Variants in SREBF1 observed in about 807,000 individuals in gnomAD.
SREBF1 encodes the protein sterol regulatory element binding transcription factor 1.
Under a neutral mutation model 100.1 loss-of-function variants are expected in SREBF1, and 45 were observed. That is an observed-to-expected ratio of 0.45 (90% confidence interval 0.35 to 0.58). The LOEUF (loss-of-function observed/expected upper bound fraction) is 0.58. Among genes scored for constraint, SREBF1 ranks in the 20% least tolerant of loss-of-function variants. The pLI, the probability that SREBF1 is intolerant of heterozygous loss-of-function variation, is 0.00. For synonymous variants in SREBF1, 657 were observed against 681.8 expected, an observed-to-expected ratio of 0.96 and a Z score of 0.57; for missense variants, 1,324 against 1,539.4, an observed-to-expected ratio of 0.86 and a Z score of 2.34.
intron 1 of SREBF1, among the ~76,000 whole-genome samples, chr17:17,822,800 C>G (rs1272055803): frequency 6.6e-6 from 1 of 152,244 alleles, no homozygotes; most frequent in African/African-American, 2.4e-5. Context: ...GCTTGGCAGG[C>G]AGCTGGCACC....
intron 1 of SREBF1, among the ~76,000 whole-genome samples, chr17:17,833,707 G>T (rs1041656318): frequency 6.6e-6 from 1 of 152,020 alleles, no homozygotes; most frequent in Non-Finnish European, 1.5e-5. Context: ...TGAAGGCCGG[G>T]CATGGTGGTT....
At chr17:17,829,023 C>A (rs2034664473) in intron 1 of SREBF1, among the ~76,000 whole-genome samples, 1 of 151,374 alleles carries the variant, frequency 6.6e-6, no homozygotes, top group African/African-American at 2.4e-5. Flanking sequence ...TGAAATCCAG[C>A]CTCTACTAAA....
intron 12 of SREBF1, 32 bp from the exon 13 acceptor site, chr17:17,815,361 A>C: frequency 6.4e-7 from 1 of 1,556,510 alleles, no homozygotes; most frequent in Non-Finnish European, 8.9e-7. Flanking sequence ...TGGGGTGGGG[A>C]GCAGGGCCCC....
At position 17,819,875 on chromosome 17, in the gene SREBF1, T is replaced by C. The variant is rs953466660; in HGVS notation, c.524-150A>G. ...GTCCCTGCCTGGGCTCTGATGCAAA[T>C]GCACTGGCTTCAAGCCAGGCCTCCA... On this transcript the variant is annotated intron_variant, in intron 2 of 18. Coordinates refer to ENST00000261646, the MANE Select transcript of SREBF1 (RefSeq NM_004176.5). The C allele has an allele frequency of 1.3e-5, 16 of 1,249,712 alleles. No homozygotes were observed. In the South Asian group the frequency reaches 1.4e-4, roughly 11 times the overall value. 77.4% of individuals were successfully genotyped at this position (1,249,712 alleles called of 1,614,324 possible).
chr17:17,812,616 C>G lies in SREBF1; in HGVS notation c.*6G>C. 1.3e-6 allele frequency: 2 copies of G among 1,596,158 alleles called. No individual in the cohort carries two copies. The highest frequency in any genetic ancestry group is 1.7e-6 in the Non-Finnish European group (2 of 1,170,734). On this transcript the variant is annotated 3_prime_UTR_variant, in exon 19 of 19. Transcript: ENST00000261646. Reference sequence around the variant, plus strand: ...GACAGGGGTGCTGAGGCCGGGGACACGGGGTCTAGCTGGAAGTGACAGTGG... The same window carrying G: ...GACAGGGGTGCTGAGGCCGGGGACAGGGGGTCTAGCTGGAAGTGACAGTGG...
rs2032960129 is a variant in SREBF1 at position 17,812,324 on chromosome 17, GGA to G, written c.*296_*297del. The G allele has an allele frequency of 1.9e-6, 1 of 538,306 alleles. No individual in the cohort carries two copies. The highest frequency in any genetic ancestry group is 3.4e-5 in the Admixed American group (1 of 29,436). 33.3% of individuals were successfully genotyped at this position (538,306 alleles called of 1,614,324 possible). On this transcript the variant is annotated 3_prime_UTR_variant, in exon 19 of 19. Transcript: ENST00000261646. Reference sequence around the variant, plus strand: ...TGTACCCCTCTCTTCCCTGTACACAGGAGGAAAAAAGCCACTAAGGTGCCTGC... The same window carrying G: ...TGTACCCCTCTCTTCCCTGTACACAGGGAAAAAAGCCACTAAGGTGCCTGC...
At chr17:17,814,522 C>A in intron 15 of SREBF1, 93 bp downstream of exon 15, 1 of 1,535,774 alleles carries the variant, frequency 6.5e-7, no homozygotes, top group Non-Finnish European at 8.7e-7. Context: ...GTGACTCCTC[C>A]TGCACAGAAC....
intron 2 of SREBF1, 141 bp from the exon 3 acceptor site, chr17:17,819,866 T>A: frequency 7.8e-7 from 1 of 1,275,604 alleles, no homozygotes; most frequent in Non-Finnish European, 1.1e-6. Context: ...GCCTGGGCTC[T>A]GATGCAAATG....
chr17:17,818,704 G>A, intron 5 of SREBF1: 3 of 557,550 alleles, frequency 5.4e-6, no homozygotes, highest in East Asian at 3.1e-5. Context: ...AAACGTGGTG[G>A]TCTCGAGCAC....
Position 17,821,174 on chromosome 17 carries a change from CAT to C in SREBF1, c.92-655_92-654del, listed in dbSNP as rs1555571692. 9.0e-4 allele frequency among the ~76,000 whole-genome samples: 136 copies of C among 151,630 alleles called. 4 individuals carry two copies. The South Asian group carries it at 0.023, about 25-fold the overall frequency. On this transcript the variant is annotated intron_variant, in intron 1 of 18. Coordinates refer to ENST00000261646, the MANE Select transcript of SREBF1 (RefSeq NM_004176.5). ...ACATACACACACACACACACACACA[CAT>C]ACACACTGCACCGTGGACTCAGACC... is the stretch of plus-strand genomic sequence containing the variant.
At chr17:17,829,704 G>A (rs1332006636) in intron 1 of SREBF1, among the ~76,000 whole-genome samples, 6 of 151,816 alleles carry the variant, frequency 4.0e-5, no homozygotes, top group Non-Finnish European at 8.8e-5. Flanking sequence ...GAGTGTAGTG[G>A]TATGATCATG....
chr17:17,819,683 G>A lies in SREBF1; in HGVS notation c.566C>T (p.Pro189Leu), dbSNP rs1337539698. Residue 189 changes from proline (P) to leucine (L), a missense_variant, in exon 3 of 19, where the codon CCA (proline) becomes CTA (leucine). Coordinates refer to ENST00000261646, the MANE Select transcript of SREBF1 (RefSeq NM_004176.5). The part of the protein sequence containing the change: ...GNTQQPLPGL[P>L]LASPPGVPPV... ...CGGGACCCCTGGCGGGGAAGCCAGT[G>A]GCAGGCCAGGCAGCGGCTGCTGGGT... The A allele has an allele frequency of 6.2e-7, 1 of 1,610,424 alleles. No homozygotes were observed. The highest frequency in any genetic ancestry group is 1.7e-5 in the Admixed American group (1 of 59,852).
chr17:17,834,170 G>A (rs2035085681), intron 1 of SREBF1, among the ~76,000 whole-genome samples: 2 of 152,128 alleles, frequency 1.3e-5, no homozygotes, highest in African/African-American at 4.8e-5. Context: ...ATAGCTCACT[G>A]CAGCCTCTAA....
Position 17,815,977 on chromosome 17 carries a change from C to G in SREBF1, c.2266G>C (p.Val756Leu). 1 of 1,612,846 alleles carries G rather than the reference C, an allele frequency of 6.2e-7. No homozygotes were observed. The highest frequency in any genetic ancestry group is 8.5e-7 in the Non-Finnish European group (1 of 1,179,926). Residue 756 changes from valine (V) to leucine (L), a missense_variant, in exon 12 of 19, where the codon GTG becomes CTG. Coordinates refer to ENST00000261646, the MANE Select transcript of SREBF1 (RefSeq NM_004176.5). The part of the protein sequence containing the change: ...RQACLAQSGS[V>L]PPAMQWLCHP... ...CAGAGCCACTGCATGGCAGGAGGCA[C>G]TGAGCCACTCTGTGCCAGGCAGGCC...
At position 17,819,390 on chromosome 17, in the gene SREBF1, CCGT is replaced by C. The variant is rs2033910526; in HGVS notation, c.773_775del (p.Asp258del). On this transcript the variant is annotated inframe_deletion, in exon 4 of 19. Coordinates refer to ENST00000261646, the MANE Select transcript of SREBF1 (RefSeq NM_004176.5). ...GAGACCTGCCGCCTTCACAGTGGCT[CCGT>C]CTGTCTTCATGGCTGTCAGAAGCAG... 6.2e-7 allele frequency: 1 copy of C among 1,613,758 alleles called. No individual in the cohort carries two copies. The highest frequency in any genetic ancestry group is 1.3e-5 in the African/African-American group (1 of 74,948).
At chr17:17,835,913 C>A (rs2035194127) in intron 1 of SREBF1, among the ~76,000 whole-genome samples, 1 of 152,262 alleles carries the variant, frequency 6.6e-6, no homozygotes, top group Non-Finnish European at 1.5e-5. Context: ...TTAGGCCCTG[C>A]CTCGAGGCCT....
At position 17,813,765 on chromosome 17, in the gene SREBF1, A is replaced by G. The variant is rs773162568; in HGVS notation, c.2906T>C (p.Val969Ala). 6.5e-7 allele frequency: 1 copy of G among 1,535,356 alleles called. No individual in the cohort carries two copies. The highest frequency in any genetic ancestry group is 1.2e-5 in the South Asian group (1 of 84,034). ...AAGCAGGTCACACAGGAACAGCTGCACGGCCTGGGGGTGGCAGGCAGGGCA... is the reference window on the plus strand; with the variant it reads ...AAGCAGGTCACACAGGAACAGCTGCGCGGCCTGGGGGTGGCAGGCAGGGCA... Reference protein sequence around the residue: ...TPASSSIDKAVQLFLCDLLLV... With the variant: ...TPASSSIDKAAQLFLCDLLLV... Residue 969 changes from valine (V) to alanine (A), a missense_variant, in exon 17 of 19, where the codon GTG (valine) becomes GCG (alanine). Physicochemically the swap from Val to Ala is moderately conservative, Grantham distance 64. Coordinates refer to ENST00000261646, the MANE Select transcript of SREBF1 (RefSeq NM_004176.5).
At position 17,824,853 on chromosome 17, in the gene SREBF1, C is replaced by T. The variant is rs2034380019; in HGVS notation, c.92-4332G>A. On this transcript the variant is annotated intron_variant, in intron 1 of 18. Transcript: ENST00000261646. This position sits in a 1 kb window ranked among gnomAD's most constrained non-coding sequence, Gnocchi z 4.2. ...CAAGAAAACCCAGCCATGTCTCTCT[C>T]GCAACCTGTCCTCGCCACCGCCGTC... Among the ~76,000 whole-genome samples the T allele has an allele frequency of 6.6e-6, 1 of 152,174 alleles. No homozygotes were observed. The highest frequency in any genetic ancestry group is 6.5e-5 in the Admixed American group (1 of 15,280).
At chr17:17,830,882 A>C (rs947450076) in intron 1 of SREBF1, among the ~76,000 whole-genome samples, 8 of 152,238 alleles carry the variant, frequency 5.3e-5, no homozygotes, top group African/African-American at 1.9e-4. Context: ...CCCAGGGTCA[A>C]AAGGCATGTC....
Sources: allele counts gnomAD v4.1 joint callset (sites outside exome capture counted in the v4.1 genomes callset), GRCh38; gene constraint gnomAD v4.1.1; non-coding constraint Gnocchi (gnomAD v3.1); transcripts MANE v1.5; gene names NCBI Gene and HGNC (gene_info 2026-07-23, HGNC 2026-07-21).